The following TMEM9 variants were observed in gnomAD, a reference collection of about 807,000 sequenced individuals.
The protein encoded by TMEM9 is proton-transporting V-type ATPase complex assembly regulator TMEM9.
In TMEM9, 13 loss-of-function variants were observed where a neutral mutation model predicts 22.8. The ratio of observed to expected loss-of-function variants is 0.57; its 90% CI spans 0.37 to 0.91. The LOEUF (loss-of-function observed/expected upper bound fraction) is 0.91. Among genes scored for constraint, TMEM9 ranks in the 40% least tolerant of loss-of-function variants. TMEM9 has a pLI of 0.01. For synonymous variants in TMEM9, 88 were observed against 93.0 expected, an observed-to-expected ratio of 0.95 and a Z score of 0.31; for missense variants, 182 against 238.1, an observed-to-expected ratio of 0.76 and a Z score of 1.55.
At chr1:201,165,150 T>TTATA (rs57281429) in intron 1 of TMEM9, among the ~76,000 whole-genome samples, 1,327 of 86,980 alleles carry the variant, frequency 0.015, 30 homozygotes, top group African/African-American at 0.029. Flanking sequence ...TAAGAGAAAA[T>TTATA]TATATATATA....
chr1:201,169,607 A>C (rs1452525935), intron 1 of TMEM9, among the ~76,000 whole-genome samples: 1 of 152,212 alleles, frequency 6.6e-6, no homozygotes, highest in African/African-American at 2.4e-5. Flanking sequence ...TGGTGGTGAT[A>C]GCAGTCTTTG....
At chr1:201,142,829 A>G (rs2102240954) in intron 4 of TMEM9, among the ~76,000 whole-genome samples, 1 of 152,316 alleles carries the variant, frequency 6.6e-6, no homozygotes, top group Middle Eastern at 3.4e-3. Context: ...CTGGTACATG[A>G]GCGCATAAAG....
At chr1:201,146,166 G>A (rs1664942040) in intron 3 of TMEM9, among the ~76,000 whole-genome samples, 1 of 152,278 alleles carries the variant, frequency 6.6e-6, no homozygotes, top group Non-Finnish European at 1.5e-5. Context: ...ACCTCGTGAC[G>A]TCTATGGTGG....
intron 4 of TMEM9, among the ~76,000 whole-genome samples, chr1:201,136,309 G>A (rs150431885): frequency 6.6e-6 from 1 of 152,208 alleles, no homozygotes; most frequent in East Asian, 1.9e-4. Context: ...CTAGGCTAGA[G>A]AACTCCCCTG....
chr1:201,157,460 A>G (rs888227432), upstream of TMEM9, among the ~76,000 whole-genome samples: 3 of 152,202 alleles, frequency 2.0e-5, no homozygotes, highest in African/African-American at 7.2e-5. Flanking sequence ...ATATGTTTGC[A>G]GCCCAATCTT....
chr1:201,139,652 G>C (rs1041123115), intron 4 of TMEM9, among the ~76,000 whole-genome samples: 3 of 152,118 alleles, frequency 2.0e-5, no homozygotes, highest in African/African-American at 7.2e-5. Context: ...CCTCACTCAG[G>C]CCCTTGTGCA....
chr1:201,146,615 T>C (rs1389774172), intron 3 of TMEM9, 125 bp downstream of exon 3: 2 of 1,048,400 alleles, frequency 1.9e-6, no homozygotes, highest in Admixed American at 3.5e-5. Flanking sequence ...TAGGCCAGCC[T>C]AGAAGCCAGT....
At chr1:201,146,062 C>T (rs927492604) in intron 3 of TMEM9, among the ~76,000 whole-genome samples, 17 of 152,364 alleles carry the variant, frequency 1.1e-4, no homozygotes, top group Admixed American at 8.5e-4. Context: ...GGAAGCCGCA[C>T]TGGGGGGCTG....
At chr1:201,137,986 G>A (rs1664153061) in intron 4 of TMEM9, among the ~76,000 whole-genome samples, 2 of 152,192 alleles carry the variant, frequency 1.3e-5, no homozygotes, top group African/African-American at 2.4e-5. Context: ...TCTACATGAG[G>A]TGGGCACTAA....
In TMEM9 at chr1:201,170,030, AAAAG is replaced by A. The variant is rs1666174306; in HGVS notation, c.-37+1456_-37+1459del. Among the ~76,000 whole-genome samples the A allele has an allele frequency of 2.6e-5, 4 of 152,338 alleles. No individual in the cohort carries two copies. In the South Asian group the frequency reaches 8.3e-4, roughly 32 times the overall value. On this transcript the variant is annotated intron_variant, in intron 1 of 5. Transcript: ENST00000367333. ...CAGAAACTGACCGTTTAAGGAAAAAAAAAGAGTTTGTTGGAAAGAAGTGGGAAAT... is the reference window on the plus strand; with the variant it reads ...CAGAAACTGACCGTTTAAGGAAAAAAAGTTTGTTGGAAAGAAGTGGGAAAT...
rs867112678 is a variant in TMEM9 at position 201,170,620 on chromosome 1, T to A, written c.-37+870A>T. Reference sequence around the variant, plus strand: ...CATTCACAAACAGATATCGGATGTCTGCTATGTGTCAAGCCCTGTGGTAGA... The same window carrying A: ...CATTCACAAACAGATATCGGATGTCAGCTATGTGTCAAGCCCTGTGGTAGA... On this transcript the variant is annotated intron_variant, in intron 1 of 5. Transcript: ENST00000367333. Among the ~76,000 whole-genome samples the A allele has an allele frequency of 1.3e-5, 2 of 152,268 alleles. 1 individual carries two copies. Among genetic ancestry groups the A allele is most frequent in the Middle Eastern group, 6.8e-3 (2 of 294 alleles).
At chr1:201,146,699 C>A (rs4915487) in intron 3 of TMEM9, 41 bp downstream of exon 3, 4 of 1,577,846 alleles carry the variant, frequency 2.5e-6, no homozygotes, top group Non-Finnish European at 3.5e-6. Context: ...TGGAGAATGG[C>A]GTGTGGGAAT....
chr1:201,142,525 T>G (rs1244086887), intron 4 of TMEM9, among the ~76,000 whole-genome samples: 1 of 152,256 alleles, frequency 6.6e-6, no homozygotes, highest in East Asian at 1.9e-4. Flanking sequence ...TACAAACTTC[T>G]GAAGGCAGCT....
At chr1:201,165,991 G>A (rs369981912) in intron 1 of TMEM9, among the ~76,000 whole-genome samples, 2 of 152,088 alleles carry the variant, frequency 1.3e-5, no homozygotes, top group African/African-American at 2.4e-5. Flanking sequence ...ATCTTTCTGC[G>A]ACCGACTTAT....
chr1:201,158,438 G>GGGA (rs1665858093), upstream of TMEM9, among the ~76,000 whole-genome samples: 1 of 151,190 alleles, frequency 6.6e-6, no homozygotes, highest in African/African-American at 2.4e-5. Context: ...CTGGTGGGGG[G>GGGA]TGGGGGCGGG....
chr1:201,153,644 T>C, intron 1 of TMEM9: 1 of 1,056,542 alleles, frequency 9.5e-7, no homozygotes, highest in Non-Finnish European at 1.4e-6. Flanking sequence ...AGTGAGCCAG[T>C]GCTCTGTGCC....
At chr1:201,170,974 G>T (rs1666197881) in intron 1 of TMEM9, among the ~76,000 whole-genome samples, 1 of 152,264 alleles carries the variant, frequency 6.6e-6, no homozygotes, top group Non-Finnish European at 1.5e-5. Context: ...TGCCGGGCCA[G>T]CAGGTGTTAC....
chr1:201,136,187 T>C lies in TMEM9; in HGVS notation c.400-372A>G, dbSNP rs548599530. Among the ~76,000 whole-genome samples, 5 of 152,276 alleles carry C rather than the reference T, an allele frequency of 3.3e-5. No individual in the cohort carries two copies. In the South Asian group the frequency reaches 1.0e-3, roughly 32 times the overall value. On this transcript the variant is annotated intron_variant, in intron 4 of 4. Coordinates refer to ENST00000367330, the MANE Select transcript of TMEM9 (RefSeq NM_001288565.2). Reference sequence around the variant, plus strand: ...CCCCTCACCATGCCCCATTCCACTATTTCTAACTCTCAAGAAGGATGCTAA... The same window carrying C: ...CCCCTCACCATGCCCCATTCCACTACTTCTAACTCTCAAGAAGGATGCTAA...
chr1:201,167,314 A>G (rs529669851), intron 1 of TMEM9, among the ~76,000 whole-genome samples: 3 of 152,320 alleles, frequency 2.0e-5, no homozygotes, highest in East Asian at 3.9e-4. Flanking sequence ...TTTCAAAGGT[A>G]GTTTGGTGGG....
Sources: allele counts gnomAD v4.1 joint callset (sites outside exome capture counted in the v4.1 genomes callset), GRCh38; gene constraint gnomAD v4.1.1; transcripts MANE v1.5; gene names NCBI Gene and HGNC (gene_info 2026-07-23, HGNC 2026-07-21).